SYT17: variants seen among roughly 807,000 people sequenced by gnomAD.
The protein encoded by SYT17 is synaptotagmin-17.
SYT17 carries 22 observed loss-of-function variants against 46.7 expected under a neutral mutation model. The observed-to-expected ratio is 0.47, with a 90% CI of 0.34 to 0.67. The LOEUF is 0.67. Ranked by LOEUF, SYT17 falls within the 30% of genes least tolerant of loss-of-function variation. The pLI, the probability that SYT17 is intolerant of heterozygous loss-of-function variation, is 0.01. For missense variants in SYT17, 519 were observed against 612.8 expected, an observed-to-expected ratio of 0.85 and a Z score of 1.62; for synonymous variants, 251 against 248.4, an observed-to-expected ratio of 1.01 and a Z score of -0.10.
intron 7 of SYT17, among the ~76,000 whole-genome samples, chr16:19,242,524 A>T (rs1003348967): frequency 2.4e-4 from 36 of 149,856 alleles, no homozygotes; most frequent in African/African-American, 8.4e-4. Context: ...ATTTTTTTTT[A>T]ATTAAAAAAA....
At chr16:19,198,752 T>C (rs1413679008) in intron 5 of SYT17, among the ~76,000 whole-genome samples, 2 of 152,230 alleles carry the variant, frequency 1.3e-5, no homozygotes, top group African/African-American at 4.8e-5. Context: ...TAGGCTGTCA[T>C]CTGATAATGC....
chr16:19,231,131 A>G (rs1317071137), intron 7 of SYT17, among the ~76,000 whole-genome samples: 1 of 152,228 alleles, frequency 6.6e-6, no homozygotes, highest in African/African-American at 2.4e-5. Context: ...ATGTTAGAGA[A>G]AGGCCATCTG....
intron 7 of SYT17, chr16:19,250,027 C>G: frequency 6.5e-7 from 1 of 1,535,872 alleles, no homozygotes; most frequent in Non-Finnish European, 8.7e-7. Flanking sequence ...TGGAAATGAA[C>G]ATTTCCATGG....
At chr16:19,235,588 A>G (rs1966840124) in intron 7 of SYT17, among the ~76,000 whole-genome samples, 1 of 152,220 alleles carries the variant, frequency 6.6e-6, no homozygotes, top group Non-Finnish European at 1.5e-5. Context: ...GAGAAAGTGT[A>G]ATCAACAGAT....
intron 1 of SYT17, chr16:19,171,687 TA>T (rs951552250): frequency 1.3e-4 from 20 of 152,178 alleles, no homozygotes; most frequent in African/African-American, 4.1e-4. Flanking sequence ...ATTTTTACTT[TA>T]AAAAAATCAT....
In SYT17 at chr16:19,267,113, A is replaced by AAAAAAG. The variant is rs1969422553; in HGVS notation, c.*42_*43insGAAAAA. The AAAAAAG allele has an allele frequency of 1.3e-6, 2 of 1,500,032 alleles. No homozygotes were observed. The highest frequency in any genetic ancestry group is 2.8e-5 in the African/African-American group (2 of 70,234). 92.9% of individuals were successfully genotyped at this position (1,500,032 alleles called of 1,614,324 possible). On this transcript the variant is annotated 3_prime_UTR_variant, in exon 8 of 8. Coordinates refer to ENST00000355377, the MANE Select transcript of SYT17 (RefSeq NM_016524.4). ...AAGGCAGCTTTCATTTGTTTAAAAA[A>AAAAAAG]AAAAAAAAAAGACGGAAAAAAATGT...
chr16:19,172,490 C>T (rs1964136372), intron 1 of SYT17: 1 of 1,478,836 alleles, frequency 6.8e-7, no homozygotes, highest in East Asian at 2.5e-5. Flanking sequence ...GCATACGGTG[C>T]AAATCAAATC....
At chr16:19,205,077 TGC>T (rs1965612560) in intron 5 of SYT17, among the ~76,000 whole-genome samples, 1 of 152,224 alleles carries the variant, frequency 6.6e-6, no homozygotes, top group Non-Finnish European at 1.5e-5. Context: ...TGGGTCTCCC[TGC>T]TTCATTCCTT....
chr16:19,169,161 C>A (rs1963986499), intron 1 of SYT17, among the ~76,000 whole-genome samples: 1 of 152,036 alleles, frequency 6.6e-6, no homozygotes, highest in South Asian at 2.1e-4. Context: ...TGGGGGACAC[C>A]CAGAGGCCAG....
intron 5 of SYT17, among the ~76,000 whole-genome samples, chr16:19,192,048 G>T (rs1245870892): frequency 6.6e-6 from 1 of 152,214 alleles, no homozygotes; most frequent in Non-Finnish European, 1.5e-5. Flanking sequence ...CTCCCAAAGT[G>T]TTGGGATTAC....
At chr16:19,194,198 T>C (rs1965142117) in intron 5 of SYT17, among the ~76,000 whole-genome samples, 1 of 152,194 alleles carries the variant, frequency 6.6e-6, no homozygotes, top group Non-Finnish European at 1.5e-5. Context: ...AGGTGCCCAA[T>C]CTTTGCAAGT....
intron 5 of SYT17, among the ~76,000 whole-genome samples, chr16:19,219,578 C>T (rs953542599): frequency 6.6e-6 from 1 of 152,160 alleles, no homozygotes; most frequent in Non-Finnish European, 1.5e-5. Context: ...GCGGAACTTA[C>T]TGTTTGTTGA....
intron 5 of SYT17, among the ~76,000 whole-genome samples, chr16:19,207,664 G>C (rs1965725247): frequency 6.6e-6 from 1 of 152,148 alleles, no homozygotes; most frequent in Non-Finnish European, 1.5e-5. Flanking sequence ...AACATTGGGG[G>C]AAAGTTATGT....
At chr16:19,188,535 A>AAG (rs1555457070) in intron 5 of SYT17, among the ~76,000 whole-genome samples, 3 of 151,306 alleles carry the variant, frequency 2.0e-5, no homozygotes, top group South Asian at 2.1e-4. Flanking sequence ...AAAAAAAAAA[A>AAG]AAAGAAAGAA....
chr16:19,231,313 G>A (rs1966673302), intron 7 of SYT17, among the ~76,000 whole-genome samples: 2 of 152,098 alleles, frequency 1.3e-5, no homozygotes, highest in African/African-American at 4.8e-5. Flanking sequence ...GCTCATGCCT[G>A]TAATTCCAAC....
At chr16:19,176,555 G>A (rs190967805) in intron 3 of SYT17, among the ~76,000 whole-genome samples, 3 of 152,180 alleles carry the variant, frequency 2.0e-5, no homozygotes, top group Non-Finnish European at 2.9e-5. Flanking sequence ...GAACGGGCAC[G>A]TCTGTGTTTC....
intron 3 of SYT17, among the ~76,000 whole-genome samples, chr16:19,174,944 C>G (rs1341024885): frequency 1.3e-5 from 2 of 151,848 alleles, no homozygotes; most frequent in African/African-American, 2.4e-5. Flanking sequence ...ATAGTGAGAC[C>G]CCCCCCATGC....
chr16:19,224,885 AACTT>A (rs1319103417), intron 7 of SYT17, 47 bp downstream of exon 7: 27 of 1,606,640 alleles, frequency 1.7e-5, no homozygotes, highest in Non-Finnish European at 2.2e-5. Flanking sequence ...AGGCACGTCA[AACTT>A]ACTGTCCTAG....
At chr16:19,259,683 T>TA (rs554512496) in intron 7 of SYT17, among the ~76,000 whole-genome samples, 1 of 46,074 alleles carries the variant, frequency 2.2e-5, no homozygotes, top group Non-Finnish European at 6.2e-5. Flanking sequence ...AATGTTTTGA[T>TA]TTTTTTTTTT....
Sources: gnomAD v4.1 joint callset for allele counts (sites outside exome capture counted in the v4.1 genomes callset) on GRCh38, gnomAD v4.1.1 for gene constraint, MANE v1.5 for transcripts, NCBI Gene and HGNC (gene_info 2026-07-23, HGNC 2026-07-21) for gene names.